The following LRRTM3 variants were observed in gnomAD, a reference collection of about 807,000 sequenced individuals.
LRRTM3 encodes the protein leucine rich repeat transmembrane neuronal 3, also known as leucine-rich repeat transmembrane neuronal protein 3.
In LRRTM3, 24 loss-of-function variants were observed where a neutral mutation model predicts 44.7. The ratio of observed to expected loss-of-function variants is 0.54; its 90% CI spans 0.39 to 0.76. LRRTM3 has a LOEUF of 0.76. Among genes scored for constraint, LRRTM3 ranks in the 30% least tolerant of loss-of-function variants. LRRTM3 has a pLI of 0.00. For synonymous variants in LRRTM3, 277 were observed against 278.7 expected (o/e 0.99, Z 0.06); for missense variants, 587 against 702.2 (o/e 0.84, Z 1.85).
chr10:67,066,877 A>T (rs1856127414), intron 2 of LRRTM3, among the ~76,000 whole-genome samples: 1 of 152,234 alleles, frequency 6.6e-6, no homozygotes, highest in African/African-American at 2.4e-5. Flanking sequence ...TAATTTTAAA[A>T]TGAAGGGTAA....
chr10:66,999,481 G>A (rs890489939), intron 2 of LRRTM3, among the ~76,000 whole-genome samples: 8 of 151,524 alleles, frequency 5.3e-5, no homozygotes, highest in Non-Finnish European at 1.0e-4. Flanking sequence ...GTATGGATCA[G>A]AACATGATTA....
intron 2 of LRRTM3, among the ~76,000 whole-genome samples, chr10:67,092,172 A>C (rs16924017): frequency 0.027 from 4,091 of 152,100 alleles, 170 homozygotes; most frequent in African/African-American, 0.087. Context: ...TGATATTTAC[A>C]AAAACCCTAA....
At chr10:66,937,597 A>G (rs1211057762) in intron 2 of LRRTM3, among the ~76,000 whole-genome samples, 2 of 152,134 alleles carry the variant, frequency 1.3e-5, no homozygotes, top group South Asian at 2.1e-4. Flanking sequence ...GCATCTGGGC[A>G]CGTAGTTAAT....
At chr10:66,996,046 C>G (rs1851316455) in intron 2 of LRRTM3, among the ~76,000 whole-genome samples, 2 of 152,132 alleles carry the variant, frequency 1.3e-5, no homozygotes, top group South Asian at 4.1e-4. Flanking sequence ...ATTTTACCTA[C>G]TTATTTACAT....
chr10:67,047,085 G>A (rs1416002793), intron 2 of LRRTM3, among the ~76,000 whole-genome samples: 1 of 152,160 alleles, frequency 6.6e-6, no homozygotes, highest in Non-Finnish European at 1.5e-5. Context: ...CCAGAGATGA[G>A]TTTAGACAGA....
intron 2 of LRRTM3, among the ~76,000 whole-genome samples, chr10:66,975,274 A>G (rs932381040): frequency 6.6e-6 from 1 of 152,212 alleles, no homozygotes; most frequent in African/African-American, 2.4e-5. Flanking sequence ...TTCACATATA[A>G]TTAATAGTAA....
chr10:67,052,343 TC>T lies in LRRTM3; in HGVS notation c.1537-45243del, dbSNP rs1564857015. On this transcript the variant is annotated intron_variant, in intron 2 of 2. Coordinates refer to ENST00000361320, the MANE Select transcript of LRRTM3 (RefSeq NM_178011.5). ...CTCTCTCTCTCTCTCTCTCTCTCTC[TC>T]TCTCTCTCTCATTAAAAGCACTAAG... is the stretch of plus-strand genomic sequence containing the variant. 3.3e-3 allele frequency among the ~76,000 whole-genome samples: 451 copies of T among 135,582 alleles called. 3 individuals are homozygous for T. Among genetic ancestry groups the T allele is most frequent in the African/African-American group, 6.0e-3 (242 of 40,118 alleles). 88.9% of individuals were successfully genotyped at this position (135,582 alleles called of 152,430 possible).
chr10:66,993,044 G>A (rs1851126788), intron 2 of LRRTM3, among the ~76,000 whole-genome samples: 1 of 152,032 alleles, frequency 6.6e-6, no homozygotes, highest in Non-Finnish European at 1.5e-5. Flanking sequence ...ATGATTTTGT[G>A]GGCAGCCACA....
chr10:67,068,656 G>A (rs1402370242), intron 2 of LRRTM3, among the ~76,000 whole-genome samples: 1 of 152,312 alleles, frequency 6.6e-6, no homozygotes, highest in Middle Eastern at 3.4e-3. Context: ...AAGCTGAGGG[G>A]AGAGAGTTTT....
At chr10:66,936,153 T>A (rs1245058205) in intron 2 of LRRTM3, among the ~76,000 whole-genome samples, 1 of 152,192 alleles carries the variant, frequency 6.6e-6, no homozygotes, top group Admixed American at 6.6e-5. Context: ...CATATATTTT[T>A]ATGGGCTTTA....
chr10:66,996,902 T>C (rs1453217402), intron 2 of LRRTM3, among the ~76,000 whole-genome samples: 4 of 152,074 alleles, frequency 2.6e-5, no homozygotes, highest in Non-Finnish European at 5.9e-5. Context: ...CTGTTGACAG[T>C]CTGTAATTCA....
At chr10:66,934,680 G>T (rs1847591548) in intron 2 of LRRTM3, among the ~76,000 whole-genome samples, 1 of 151,924 alleles carries the variant, frequency 6.6e-6, no homozygotes, top group South Asian at 2.1e-4. Flanking sequence ...TATGTATAGG[G>T]GTACTCAACT....
At position 66,937,043 on chromosome 10, in the gene LRRTM3, G is replaced by C. The variant is rs570326707; in HGVS notation, c.1536+8591G>C. On this transcript the variant is annotated intron_variant, in intron 2 of 2. Transcript: ENST00000361320. ...GTTTGGGCCTTTCCAAAGGAGCCAA[G>C]GCAGGGTAAATAATCCATGTTTCAT... Among the ~76,000 whole-genome samples, 4 of 152,236 alleles carry C rather than the reference G, an allele frequency of 2.6e-5. No homozygotes were observed. The East Asian group carries it at 7.7e-4, about 29-fold the overall frequency.
intron 2 of LRRTM3, chr10:67,054,992 T>C (rs1442224545): frequency 1.3e-5 from 2 of 151,718 alleles, no homozygotes; most frequent in Non-Finnish European, 3.0e-5. Flanking sequence ...AAAATCTTAA[T>C]TAAAAATAAA....
At chr10:67,071,750 T>C (rs1386641260) in intron 2 of LRRTM3, among the ~76,000 whole-genome samples, 1 of 152,136 alleles carries the variant, frequency 6.6e-6, no homozygotes, top group Admixed American at 6.5e-5. Flanking sequence ...TACTTATGTT[T>C]AAAAAAATTA....
chr10:66,926,820 A>G, intron 1 of LRRTM3, 101 bp from the exon 2 acceptor site: 1 of 1,099,406 alleles, frequency 9.1e-7, no homozygotes, highest in Non-Finnish European at 1.3e-6. Context: ...TGTTATTTAG[A>G]TTTAAATTTT....
chr10:67,030,695 A>G (rs1327914328), intron 2 of LRRTM3, among the ~76,000 whole-genome samples: 1 of 152,130 alleles, frequency 6.6e-6, no homozygotes, highest in Non-Finnish European at 1.5e-5. Flanking sequence ...TAGAAGAGAT[A>G]ATTTAATCCA....
chr10:67,046,780 A>G (rs1854778358), intron 2 of LRRTM3, among the ~76,000 whole-genome samples: 1 of 152,184 alleles, frequency 6.6e-6, no homozygotes, highest in South Asian at 2.1e-4. Flanking sequence ...AGGGACTCAG[A>G]GCCTGGCAGG....
intron 2 of LRRTM3, among the ~76,000 whole-genome samples, chr10:67,020,935 C>T (rs868255366): frequency 1.3e-5 from 2 of 152,062 alleles, no homozygotes; most frequent in Non-Finnish European, 2.9e-5. Context: ...TTACACTACC[C>T]GGAAGATAGT....
Sources: gnomAD v4.1 joint callset for allele counts (sites outside exome capture counted in the v4.1 genomes callset) on GRCh38, gnomAD v4.1.1 for gene constraint, MANE v1.5 for transcripts, NCBI Gene and HGNC (gene_info 2026-07-23, HGNC 2026-07-21) for gene names.